NR2F1-AS1: variants seen among roughly 807,000 people sequenced by gnomAD.
NR2F1-AS1 encodes NR2F1 antisense RNA 1.
chr5:93,506,222 A>T (rs1751182742), intron 4 of NR2F1-AS1, among the ~76,000 whole-genome samples: 1 of 152,174 alleles, frequency 6.6e-6, no homozygotes, highest in African/African-American at 2.4e-5. Context: ...CAAGTACCTC[A>T]TCTCCATCTG....
At chr5:93,560,298 T>C (rs1752458210) in intron 2 of NR2F1-AS1, among the ~76,000 whole-genome samples, 1 of 152,222 alleles carries the variant, frequency 6.6e-6, no homozygotes. Flanking sequence ...AGAACAAAAG[T>C]CTTGTTCACG....
upstream of NR2F1-AS1, chr5:93,585,431 C>T: frequency 6.2e-7 from 1 of 1,614,114 alleles, no homozygotes; most frequent in Non-Finnish European, 8.5e-7. Flanking sequence ...ACCACCGCAA[C>T]CAGTGCCAAT....
At chr5:93,470,025 C>A (rs1750332867) in intron 4 of NR2F1-AS1, among the ~76,000 whole-genome samples, 1 of 151,992 alleles carries the variant, frequency 6.6e-6, no homozygotes, top group Non-Finnish European at 1.5e-5. Context: ...AAACAAGATA[C>A]ATCTTCCAAA....
At chr5:93,433,620 G>A (rs1023296166) in intron 4 of NR2F1-AS1, among the ~76,000 whole-genome samples, 5 of 152,280 alleles carry the variant, frequency 3.3e-5, no homozygotes, top group Admixed American at 6.5e-5. Flanking sequence ...GCACATGACT[G>A]TATAGAGATG....
chr5:93,421,511 G>A lies in NR2F1-AS1; in HGVS notation n.639-25969C>T, dbSNP rs899772076. Among the ~76,000 whole-genome samples the A allele has an allele frequency of 2.6e-5, 4 of 152,184 alleles. No homozygotes were observed. The East Asian group carries it at 7.7e-4, about 29-fold the overall frequency. On this transcript the variant is annotated intron_variant and non_coding_transcript_variant, in intron 4 of 5. Coordinates refer to ENST00000660523, the Ensembl canonical transcript of NR2F1-AS1. ...ACCAGCTGCCCCCTCTTCACTAGCAGTTTTTGACGTCATCCAGGCTTTGCA... is the reference window on the plus strand; with the variant it reads ...ACCAGCTGCCCCCTCTTCACTAGCAATTTTTGACGTCATCCAGGCTTTGCA...
intron 4 of NR2F1-AS1, among the ~76,000 whole-genome samples, chr5:93,548,491 T>C (rs568651004): frequency 6.6e-6 from 1 of 152,288 alleles, no homozygotes; most frequent in South Asian, 2.1e-4. Flanking sequence ...AATGGCATTA[T>C]TTTACAGCTC....
At chr5:93,552,441 T>C (rs1305818515) in intron 4 of NR2F1-AS1, among the ~76,000 whole-genome samples, 2 of 152,084 alleles carry the variant, frequency 1.3e-5, no homozygotes, top group African/African-American at 2.4e-5. Context: ...GAAGTACATG[T>C]TACATGTTGG....
intron 4 of NR2F1-AS1, among the ~76,000 whole-genome samples, chr5:93,482,633 C>A (rs1483859555): frequency 2.0e-5 from 3 of 152,138 alleles, no homozygotes; most frequent in African/African-American, 4.8e-5. Context: ...GCGGCTAAAG[C>A]CAGAAAGCCA....
intron 4 of NR2F1-AS1, among the ~76,000 whole-genome samples, chr5:93,482,938 G>A (rs1020498734): frequency 1.3e-5 from 2 of 152,192 alleles, no homozygotes; most frequent in African/African-American, 4.8e-5. Context: ...CTGAAAGAAA[G>A]GCAGCAGACC....
intron 4 of NR2F1-AS1, among the ~76,000 whole-genome samples, chr5:93,517,706 C>T (rs1457101): frequency 0.19 from 28,933 of 151,940 alleles, 4,044 homozygotes; most frequent in African/African-American, 0.4. Context: ...TCAGGTAACA[C>T]CATCAGTCAT....
At chr5:93,517,135 C>T (rs1000504090) in intron 4 of NR2F1-AS1, among the ~76,000 whole-genome samples, 11 of 151,856 alleles carry the variant, frequency 7.2e-5, no homozygotes, top group Non-Finnish European at 1.2e-4. Flanking sequence ...TTATCATCTT[C>T]CCTAAAACTC....
intron 4 of NR2F1-AS1, among the ~76,000 whole-genome samples, chr5:93,534,328 T>C (rs1751795704): frequency 6.6e-6 from 1 of 152,196 alleles, no homozygotes; most frequent in South Asian, 2.1e-4. Flanking sequence ...AAAGTGAAGA[T>C]GCCAATACAT....
rs1324898214 is a variant in NR2F1-AS1 at position 93,417,719 on chromosome 5, G to A, written n.639-22177C>T. Among the ~76,000 whole-genome samples the A allele has an allele frequency of 2.6e-5, 4 of 152,268 alleles. No individual in the cohort carries two copies. The East Asian group carries it at 5.8e-4, about 22-fold the overall frequency. The stretch of plus-strand genomic sequence containing the variant: ...CTAGCTGTTGAACATGTTCATCTTC[G>A]CTACTCATGCTGCACTTGTTTCTGA... On this transcript the variant is annotated intron_variant and non_coding_transcript_variant, in intron 4 of 5. Coordinates refer to ENST00000660523, the Ensembl canonical transcript of NR2F1-AS1.
chr5:93,553,389 G>A (rs923327712), intron 4 of NR2F1-AS1, among the ~76,000 whole-genome samples: 1 of 151,980 alleles, frequency 6.6e-6, no homozygotes, highest in African/African-American at 2.4e-5. Flanking sequence ...ACCTGGCCTA[G>A]TAATATATTT....
At chr5:93,486,187 G>A (rs548443274) in intron 4 of NR2F1-AS1, among the ~76,000 whole-genome samples, 2,233 of 146,694 alleles carry the variant, frequency 0.015, 63 homozygotes, top group African/African-American at 0.054. Context: ...TGGGTGCAGC[G>A]CACCAGCATG....
intron 4 of NR2F1-AS1, among the ~76,000 whole-genome samples, chr5:93,435,129 T>C (rs1162314774): frequency 6.6e-6 from 1 of 152,226 alleles, no homozygotes; most frequent in African/African-American, 2.4e-5. Context: ...TAGCATCCAC[T>C]GATAATTTGT....
intron 4 of NR2F1-AS1, among the ~76,000 whole-genome samples, chr5:93,446,675 C>T (rs1411034397): frequency 1.3e-5 from 2 of 152,200 alleles, no homozygotes; most frequent in African/African-American, 2.4e-5. Context: ...CTACCAATGA[C>T]TTTCTTCACA....
At chr5:93,496,841 GGTCACATCTTT>G (rs1362793149) in intron 4 of NR2F1-AS1, among the ~76,000 whole-genome samples, 1 of 152,094 alleles carries the variant, frequency 6.6e-6, no homozygotes, top group African/African-American at 2.4e-5. Context: ...ATAAAGAGAC[GGTCACATCTTT>G]GCCAGCAAAA....
chr5:93,465,231 A>G (rs1160506566), intron 4 of NR2F1-AS1, among the ~76,000 whole-genome samples: 1 of 152,246 alleles, frequency 6.6e-6, no homozygotes, highest in Admixed American at 6.5e-5. Context: ...CTTTACAAGA[A>G]AAAAACAAAC....
Sources: gnomAD v4.1 joint callset for allele counts (sites outside exome capture counted in the v4.1 genomes callset) on GRCh38, gnomAD v4.1.1 for gene constraint, MANE v1.5 for transcripts, NCBI Gene and HGNC (gene_info 2026-07-23, HGNC 2026-07-21) for gene names.